The following SASH1 variants were observed in gnomAD, a reference collection of about 807,000 sequenced individuals.
SASH1 encodes SAM and SH3 domain containing 1, also known as SAM and SH3 domain-containing protein 1.
A neutral mutation model predicts 125.2 loss-of-function variants in SASH1; 44 were observed. The ratio of observed to expected loss-of-function variants is 0.35; its 90% CI spans 0.28 to 0.45. The LOEUF (loss-of-function observed/expected upper bound fraction) is 0.45, where lower values mean the gene tolerates loss of function less well. Ranked by LOEUF, SASH1 falls within the 20% of genes least tolerant of loss-of-function variation. SASH1 has a pLI of 1.00. For missense variants in SASH1, 1,426 were observed against 1,614.5 expected (o/e 0.88, Z 2.00); for synonymous variants, 639 against 649.1 (o/e 0.98, Z 0.24).
At chr6:148,440,881 A>C (rs1410717230) in intron 4 of SASH1, among the ~76,000 whole-genome samples, 1 of 152,160 alleles carries the variant, frequency 6.6e-6, no homozygotes, top group Non-Finnish European at 1.5e-5. Flanking sequence ...AAAATGGCAA[A>C]TGATCCCTAG....
intron 8 of SASH1, among the ~76,000 whole-genome samples, chr6:148,501,518 T>C (rs1423761600): frequency 3.9e-5 from 6 of 152,180 alleles, no homozygotes; most frequent in Admixed American, 3.3e-4. Flanking sequence ...TCTGATCCCA[T>C]AGATTTGCTC....
chr6:148,373,850 G>C (rs1421097108), intron 1 of SASH1, among the ~76,000 whole-genome samples: 1 of 152,214 alleles, frequency 6.6e-6, no homozygotes, highest in East Asian at 1.9e-4. Flanking sequence ...GTGTGCACCT[G>C]TAATCGCAGC....
At position 148,466,947 on chromosome 6, in the gene SASH1, C is replaced by T. The variant is rs184239831; in HGVS notation, c.387-1598C>T. Among the ~76,000 whole-genome samples, 7 of 152,236 alleles carry T rather than the reference C, an allele frequency of 4.6e-5. No homozygotes were observed. In the East Asian group the frequency reaches 1.4e-3, roughly 29 times the overall value. On this transcript the variant is annotated intron_variant, in intron 4 of 19. Coordinates refer to ENST00000367467, the MANE Select transcript of SASH1 (RefSeq NM_015278.5). ...TAGTGAAGATTCAGGTTTAAATCCCCCAAGTGTCTGTGTCTCTTCTGATGC... is the reference window on the plus strand; with the variant it reads ...TAGTGAAGATTCAGGTTTAAATCCCTCAAGTGTCTGTGTCTCTTCTGATGC...
chr6:148,487,152 C>G (rs564856684), intron 7 of SASH1, among the ~76,000 whole-genome samples: 42 of 143,994 alleles, frequency 2.9e-4, no homozygotes, highest in African/African-American at 1.1e-3. Context: ...AGGGTTTGAC[C>G]CCATTTCACT....
chr6:148,236,388 T>A, the SASH1 span, among the ~76,000 whole-genome samples: 1 of 152,032 alleles, frequency 6.6e-6, no homozygotes. Flanking sequence ...AATTTTTGTA[T>A]TTTTGTAGAG....
intron 1 of SASH1, among the ~76,000 whole-genome samples, chr6:148,387,719 C>T (rs1418996903): frequency 7.1e-6 from 1 of 141,464 alleles, no homozygotes; most frequent in Non-Finnish European, 1.5e-5. Context: ...TATTTCTTTT[C>T]TTTCCATTCT....
chr6:148,270,746 ATATTAG>A (rs1382859329), upstream of SASH1, among the ~76,000 whole-genome samples: 3 of 152,226 alleles, frequency 2.0e-5, no homozygotes, highest in East Asian at 3.9e-4. Context: ...ACCATCACTG[ATATTAG>A]AGGTTTGGAT....
intron 2 of SASH1, among the ~76,000 whole-genome samples, chr6:148,395,240 A>G (rs1224233645): frequency 1.3e-5 from 2 of 152,318 alleles, no homozygotes; most frequent in African/African-American, 4.8e-5. Context: ...TACAGATAGG[A>G]TACTTAGATA....
intron 1 of SASH1, among the ~76,000 whole-genome samples, chr6:148,308,010 A>C (rs1282461604): frequency 2.0e-5 from 3 of 152,124 alleles, no homozygotes; most frequent in African/African-American, 7.2e-5. Flanking sequence ...CTGAACACTC[A>C]CAGGTTTACC....
At chr6:148,207,857 T>C in the SASH1 span, among the ~76,000 whole-genome samples, 1 of 152,212 alleles carries the variant, frequency 6.6e-6, no homozygotes, top group Non-Finnish European at 1.5e-5. Context: ...GAAACTGTGC[T>C]TGAGCTGGCT....
intron 4 of SASH1, among the ~76,000 whole-genome samples, chr6:148,468,321 G>A (rs1777939948): frequency 6.6e-6 from 1 of 152,140 alleles, no homozygotes; most frequent in Admixed American, 6.5e-5. Context: ...TAATATTACA[G>A]GTCTCACCTT....
chr6:148,464,245 G>C (rs1227581566), intron 4 of SASH1, among the ~76,000 whole-genome samples: 1 of 152,182 alleles, frequency 6.6e-6, no homozygotes, highest in Non-Finnish European at 1.5e-5. Flanking sequence ...TAGATTTGGG[G>C]TCTTAATAGT....
chr6:148,455,338 G>A (rs1207177070), intron 4 of SASH1, among the ~76,000 whole-genome samples: 3 of 152,150 alleles, frequency 2.0e-5, no homozygotes, highest in African/African-American at 7.2e-5. Context: ...TAAGCTCTTG[G>A]CTTCTACTCT....
chr6:148,233,742 C>CAAAAAAAAAAAAAAAAAAAAAA, the SASH1 span, among the ~76,000 whole-genome samples: 77 of 60,516 alleles, frequency 1.3e-3, 9 homozygotes, highest in South Asian at 2.1e-3. Context: ...TTCCTCTCTA[C>CAAAAAAAAAAAAAAAAAAAAAA]AAAAAAAAAA....
chr6:148,368,320 G>A (rs1428240282), intron 1 of SASH1, among the ~76,000 whole-genome samples: 1 of 152,146 alleles, frequency 6.6e-6, no homozygotes, highest in Non-Finnish European at 1.5e-5. Flanking sequence ...GCCCAGGTTG[G>A]AATGCAGTGG....
chr6:148,512,936 C>CA (rs1487846749), intron 8 of SASH1: 1 of 985,274 alleles, frequency 1.0e-6, no homozygotes, highest in African/African-American at 1.7e-5. Context: ...ACCATGGCTC[C>CA]ATGCCTTGAG....
intron 1 of SASH1, among the ~76,000 whole-genome samples, chr6:148,354,642 C>T (rs746418470): frequency 1.2e-4 from 19 of 152,178 alleles, no homozygotes; most frequent in Non-Finnish European, 2.8e-4. Context: ...AACAATGGCC[C>T]CACCAGACTT....
the SASH1 span, among the ~76,000 whole-genome samples, chr6:148,228,265 G>A: frequency 6.6e-6 from 1 of 152,156 alleles, no homozygotes; most frequent in Non-Finnish European, 1.5e-5. Context: ...TGGAGGTGTT[G>A]AGATTTAATA....
the SASH1 span, among the ~76,000 whole-genome samples, chr6:148,200,820 G>A: frequency 6.6e-6 from 1 of 152,140 alleles, no homozygotes. Context: ...TTGAAATATA[G>A]GGAAGCTTTA....
Sources: allele counts gnomAD v4.1 joint callset (sites outside exome capture counted in the v4.1 genomes callset), GRCh38; gene constraint gnomAD v4.1.1; transcripts MANE v1.5; gene names NCBI Gene and HGNC (gene_info 2026-07-23, HGNC 2026-07-21).